Variants in ACOX2 observed in about 807,000 individuals in gnomAD.
The protein encoded by ACOX2 is peroxisomal acyl-coenzyme A oxidase 2.
In ACOX2, 59 loss-of-function variants were observed where a neutral mutation model predicts 77.5. The observed-to-expected ratio is 0.76, with a 90% CI of 0.62 to 0.95. The LOEUF is 0.95. Ranked by LOEUF, ACOX2 falls within the 40% of genes least tolerant of loss-of-function variation. The pLI, the probability that ACOX2 is intolerant of heterozygous loss-of-function variation, is 0.00. For synonymous variants in ACOX2, 317 were observed against 340.1 expected (o/e 0.93, Z 0.75); for missense variants, 837 against 880.4 (o/e 0.95, Z 0.62).
chr3:58,509,091 T>C (rs2063256643), intron 13 of ACOX2, 66 bp from the exon 14 acceptor site: 2 of 1,554,004 alleles, frequency 1.3e-6, no homozygotes, highest in South Asian at 2.2e-5. Context: ...TAGTCTTGGA[T>C]GGTGAATAAC....
chr3:58,526,463 T>C lies in ACOX2; in HGVS notation c.1346+3A>G, dbSNP rs1403301312. ...CAAAGGCCTGGGTCAGCCTGGACCT[T>C]ACCTGGCCACCTGCAGGTAGAGCAC... is the stretch of plus-strand genomic sequence containing the variant. On this transcript the variant is annotated splice_donor_region_variant and intron_variant, in intron 10 of 14. Transcript: ENST00000302819. The surrounding 1 kb of genome is among the most constrained non-coding windows in gnomAD (Gnocchi z 4.3). The C allele has an allele frequency of 2.5e-6, 4 of 1,610,444 alleles. No homozygotes were observed. Among genetic ancestry groups the C allele is most frequent in the Admixed American group, 3.3e-5 (2 of 59,722 alleles).
In ACOX2 at chr3:58,533,318, C is replaced by T; in HGVS notation, c.583+127G>A. 1.2e-6 allele frequency: 1 copy of T among 849,062 alleles called. No individual in the cohort carries two copies. The highest frequency in any genetic ancestry group is 1.9e-6 in the Non-Finnish European group (1 of 528,814). The allele number at this position is 849,062 out of a possible 1,614,324, so 52.6% of individuals were successfully genotyped here. ...GGCTCAGGTTGGTGAACTGACTTGC[C>T]CAAGGTCAGCAGCCTAGAACAGAAA... On this transcript the variant is annotated intron_variant, in intron 5 of 14. Transcript: ENST00000302819. The surrounding 1 kb of genome is among the most constrained non-coding windows in gnomAD (Gnocchi z 5.6).
rs147090461 is a variant in ACOX2 at position 58,527,795 on chromosome 3, T to C, written c.1155+999A>G. Among the ~76,000 whole-genome samples, 293 of 152,050 alleles carry C rather than the reference T, an allele frequency of 1.9e-3. 2 individuals carry two copies. Among genetic ancestry groups the C allele is most frequent in the African/African-American group, 6.8e-3 (280 of 41,470 alleles). ...TCCTTGCACTCCTGGGCTCAAGGAA[T>C]CCTCCCACCTCAGCCTCCAAAGTAG... On this transcript the variant is annotated intron_variant, in intron 9 of 14. Coordinates refer to ENST00000302819, the MANE Select transcript of ACOX2 (RefSeq NM_003500.4).
At chr3:58,536,550 C>T (rs1017297792) in intron 1 of ACOX2, among the ~76,000 whole-genome samples, 1 of 151,562 alleles carries the variant, frequency 6.6e-6, no homozygotes, top group Admixed American at 6.5e-5. Flanking sequence ...CCATCCTCTG[C>T]CCCCCGGAGT....
intron 14 of ACOX2, among the ~76,000 whole-genome samples, chr3:58,508,225 C>G (rs2107983635): frequency 6.6e-6 from 1 of 152,264 alleles, no homozygotes; most frequent in East Asian, 1.9e-4. Context: ...AGTGTTGGGA[C>G]CTTATGAGTC....
Position 58,521,273 on chromosome 3 carries a change from G to C in ACOX2, c.1632+1223C>G, listed in dbSNP as rs1279632233. Among the ~76,000 whole-genome samples the C allele has an allele frequency of 6.6e-6, 1 of 152,206 alleles. No individual in the cohort carries two copies. Among genetic ancestry groups the C allele is most frequent in the Non-Finnish European group, 1.5e-5 (1 of 68,034 alleles). On this transcript the variant is annotated intron_variant, in intron 12 of 14. Transcript: ENST00000302819. This position sits in a 1 kb window ranked among gnomAD's most constrained non-coding sequence, Gnocchi z 4.8. ...GTGGTGCTCAACGTCCAGCCTGCCTGACCAGCCCTGTCCCACGAGGGCCTC... is the reference window on the plus strand; with the variant it reads ...GTGGTGCTCAACGTCCAGCCTGCCTCACCAGCCCTGTCCCACGAGGGCCTC...
At position 58,524,518 on chromosome 3, in the gene ACOX2, G is replaced by A. The variant is rs373756561; in HGVS notation, c.1434C>T (p.Thr478=). 17 of 1,614,190 alleles carry A rather than the reference G, an allele frequency of 1.1e-5. No individual in the cohort carries two copies. In the African/African-American group the frequency reaches 1.1e-4, roughly 10 times the overall value. Residue 478 remains threonine, a synonymous_variant, in exon 11 of 15, where the codon ACC becomes ACT. Coordinates refer to ENST00000302819, the MANE Select transcript of ACOX2 (RefSeq NM_003500.4). The surrounding 1 kb of genome is among the most constrained non-coding windows in gnomAD (Gnocchi z 5.5). ...CTGGACACCTGGCCAGGTCAGGTGC[G>A]GTGAGATATGCGACAGATGGAGAGA... The part of the protein sequence containing the change: ...RSLSPSVAYL[T]APDLARCPAQ...
At chr3:58,510,047 C>A (rs2063266840) in intron 13 of ACOX2, among the ~76,000 whole-genome samples, 1 of 152,100 alleles carries the variant, frequency 6.6e-6, no homozygotes, top group Non-Finnish European at 1.5e-5. Context: ...ATATTTATCA[C>A]CCCCTCTCTT....
Position 58,534,947 on chromosome 3 carries a change from C to T in ACOX2, c.160G>A (p.Glu54Lys). Reference sequence around the variant, plus strand: ...GTCCCATTCCCCAGCTTCCCCTTACCAACTTTCCTGCGGAGTGCAGTGTTC... The same window carrying T: ...GTCCCATTCCCCAGCTTCCCCTTACTAACTTTCCTGCGGAGTGCAGTGTTC... ...AQNTALRRKVESIIHSYPEFS... is the reference protein window; with the variant it reads ...AQNTALRRKVKSIIHSYPEFS... Residue 54 changes from glutamate to lysine, a missense_variant and splice_region_variant, in exon 2 of 15, where the codon GAG (glutamate) becomes AAG (lysine). Coordinates refer to ENST00000302819, the MANE Select transcript of ACOX2 (RefSeq NM_003500.4). This position sits in a 1 kb window ranked among gnomAD's most constrained non-coding sequence, Gnocchi z 4.8. 1 of 1,614,130 alleles carries T rather than the reference C, an allele frequency of 6.2e-7. No individual in the cohort carries two copies.
chr3:58,505,375 A>G lies in ACOX2; in HGVS notation c.1984-89T>C, dbSNP rs1049365838. ...TTTCAAATTAAGTCTCTAGCTTCAA[A>G]AAGTAACATTACGTAAGATTCTTAA... On this transcript the variant is annotated intron_variant, in intron 14 of 14. Coordinates refer to ENST00000302819, the MANE Select transcript of ACOX2 (RefSeq NM_003500.4). The surrounding 1 kb of genome is among the most constrained non-coding windows in gnomAD (Gnocchi z 4.4). 9.6e-7 allele frequency: 1 copy of G among 1,043,620 alleles called. No homozygotes were observed. The highest frequency in any genetic ancestry group is 1.6e-5 in the African/African-American group (1 of 61,406). 64.6% of individuals were successfully genotyped at this position (1,043,620 alleles called of 1,614,324 possible).
intron 14 of ACOX2, 67 bp downstream of exon 14, chr3:58,508,826 A>G (rs749658695): frequency 1.5e-5 from 24 of 1,578,498 alleles, no homozygotes; most frequent in Non-Finnish European, 2.0e-5. Context: ...ATGGGAGAAC[A>G]TGAAGGTGTA....
At position 58,531,633 on chromosome 3, in the gene ACOX2, AG is replaced by A; in HGVS notation, c.703+59del. ...CTGTGGCCCTCTGGGGCCCCAGGTC[AG>A]GGAGGCCACCTGGGCTCTCCTCCTG... is the stretch of plus-strand genomic sequence containing the variant. On this transcript the variant is annotated intron_variant, in intron 6 of 14. Transcript: ENST00000302819. The surrounding 1 kb of genome is among the most constrained non-coding windows in gnomAD (Gnocchi z 5.8). 6 of 1,588,776 alleles carry A rather than the reference AG, an allele frequency of 3.8e-6. No homozygotes were observed. Among genetic ancestry groups the A allele is most frequent in the Non-Finnish European group, 5.1e-6 (6 of 1,167,166 alleles).
intron 12 of ACOX2, 64 bp from the exon 13 acceptor site, chr3:58,517,487 A>G: frequency 3.3e-6 from 5 of 1,499,288 alleles, no homozygotes; most frequent in Non-Finnish European, 4.6e-6. Context: ...TCACCCTGGA[A>G]GCATGGCAAG....
At chr3:58,532,958 C>T (rs542712152) in intron 5 of ACOX2, among the ~76,000 whole-genome samples, 2 of 152,244 alleles carry the variant, frequency 1.3e-5, no homozygotes, top group East Asian at 1.9e-4. Context: ...GGAGGTACGG[C>T]GTTGGTGGCC....
In ACOX2 at chr3:58,534,364, A is replaced by G. The variant is rs1255103542; in HGVS notation, c.319T>C (p.Tyr107His). The G allele has an allele frequency of 1.9e-6, 3 of 1,614,050 alleles. No individual in the cohort carries two copies. The highest frequency in any genetic ancestry group is 2.7e-5 in the African/African-American group (2 of 74,928). The change falls in exon 3 of 15, where the codon TAC becomes CAC. Residue 107 changes from tyrosine to histidine, a missense_variant. By Grantham distance (83) the Tyr-to-His change is moderately conservative. Transcript: ENST00000302819. This position sits in a 1 kb window ranked among gnomAD's most constrained non-coding sequence, Gnocchi z 4.8. ...GGCTGCTCGAGGAGTGAGCACCTGT[A>G]AGCGTAGCCTAATTCACGACCATCT... is the stretch of plus-strand genomic sequence containing the variant. ...LEDGRELGYA[Y>H]RALSGDVALN...
intron 13 of ACOX2, among the ~76,000 whole-genome samples, chr3:58,513,814 C>T (rs927129494): frequency 1.3e-5 from 2 of 152,162 alleles, no homozygotes; most frequent in Non-Finnish European, 2.9e-5. Context: ...AAACTTGTGG[C>T]TATGCTTGCT....
intron 9 of ACOX2, among the ~76,000 whole-genome samples, chr3:58,527,580 G>A (rs2063405630): frequency 6.6e-6 from 1 of 150,786 alleles, no homozygotes; most frequent in Admixed American, 6.6e-5. Flanking sequence ...TACCATTTGA[G>A]GACACAGCAA....
Position 58,531,571 on chromosome 3 carries a change from C to A in ACOX2, c.703+122G>T, listed in dbSNP as rs1577000656. 3.4e-6 allele frequency: 5 copies of A among 1,458,708 alleles called. No individual in the cohort carries two copies. In the East Asian group the frequency reaches 1.2e-4, roughly 34 times the overall value. The allele number at this position is 1,458,708 out of a possible 1,614,324, so 90.4% of individuals were successfully genotyped here. A position where few individuals can be genotyped will look rare whatever the true frequency, so the allele number is the denominator to read the frequency against. ...TTAGCACCAAGTCTGTCCAACTGGA[C>A]CGCTCCCTGCCCAAGGGAGACATGT... On this transcript the variant is annotated intron_variant, in intron 6 of 14. Transcript: ENST00000302819. This position sits in a 1 kb window ranked among gnomAD's most constrained non-coding sequence, Gnocchi z 5.8.
In ACOX2 at chr3:58,535,065, C is replaced by T. The variant is rs762242392; in HGVS notation, c.42G>A (p.Trp14Ter). 4 of 1,614,102 alleles carry T rather than the reference C, an allele frequency of 2.5e-6. No individual in the cohort carries two copies. Among genetic ancestry groups the T allele is most frequent in the African/African-American group, 1.3e-5 (1 of 74,938 alleles). Residue 14 changes from tryptophan (W) to a stop codon, truncating the protein, a stop_gained, in exon 2 of 15, where the codon TGG becomes TGA. Coordinates refer to ENST00000302819, the MANE Select transcript of ACOX2 (RefSeq NM_003500.4). LOFTEE classifies it high-confidence loss of function. The surrounding 1 kb of genome is among the most constrained non-coding windows in gnomAD (Gnocchi z 4.8). Reference protein sequence around the residue: ...PVHRVSLGDTWSRQMHPDIES... With the variant: ...PVHRVSLGDT ...CTATGTCGGGGTGCATTTGCCTGCT[C>T]CAGGTATCCCCCAATGACACTCGGT...
Sources: gnomAD v4.1 joint callset for allele counts (sites outside exome capture counted in the v4.1 genomes callset) on GRCh38, gnomAD v4.1.1 for gene constraint, Gnocchi (gnomAD v3.1) non-coding constraint, MANE v1.5 for transcripts, NCBI Gene and HGNC (gene_info 2026-07-23, HGNC 2026-07-21) for gene names.